PLCG2: variants seen among roughly 807,000 people sequenced by gnomAD.
PLCG2 encodes 1-phosphatidylinositol 4,5-bisphosphate phosphodiesterase gamma-2.
A neutral mutation model predicts 175.6 loss-of-function variants in PLCG2; 69 were observed. That is an observed-to-expected ratio of 0.39 (90% confidence interval 0.32 to 0.48). The LOEUF (loss-of-function observed/expected upper bound fraction) is 0.48. Among genes scored for constraint, PLCG2 ranks in the 20% least tolerant of loss-of-function variants. The pLI is 0.91. For synonymous variants in PLCG2, 827 were observed against 624.0 expected (o/e 1.33, Z -4.85); for missense variants, 1,798 against 1,650.9 (o/e 1.09, Z -1.54).
intron 25 of PLCG2, among the ~76,000 whole-genome samples, chr16:81,932,886 C>G (rs1404813047): frequency 1.3e-5 from 2 of 152,238 alleles, no homozygotes; most frequent in African/African-American, 4.8e-5. Context: ...GTCCTTCTGG[C>G]TTTCCCAGTG....
chr16:81,939,745 A>AT lies in PLCG2; in HGVS notation c.3314-145dup, dbSNP rs1364123036. The stretch of plus-strand genomic sequence containing the variant: ...AAGGTGGGGTGGGGGAGTGAAGATA[A>AT]TTATTCAGATTTTCTTAGATCTTGG... On this transcript the variant is annotated intron_variant, in intron 29 of 32. Coordinates refer to ENST00000564138, the MANE Select transcript of PLCG2 (RefSeq NM_002661.5). The AT allele has an allele frequency of 4.9e-5, 29 of 590,518 alleles. No individual in the cohort carries two copies. The East Asian group carries it at 6.5e-4, about 13-fold the overall frequency. The allele number at this position is 590,518 out of a possible 1,614,324, so 36.6% of individuals were successfully genotyped here.
At chr16:81,941,022 G>T (rs978173981) in intron 30 of PLCG2, among the ~76,000 whole-genome samples, 2 of 152,190 alleles carry the variant, frequency 1.3e-5, no homozygotes, top group Non-Finnish European at 2.9e-5. Flanking sequence ...CATTTTTCAA[G>T]AGAAAGATGA....
chr16:81,945,592 C>T (rs965654834), intron 30 of PLCG2, among the ~76,000 whole-genome samples: 3 of 152,162 alleles, frequency 2.0e-5, no homozygotes, highest in African/African-American at 2.4e-5. Context: ...GGGGGAGATT[C>T]GGCTCCAACT....
chr16:81,823,362 G>T (rs1488991833), intron 2 of PLCG2, among the ~76,000 whole-genome samples: 1 of 152,274 alleles, frequency 6.6e-6, no homozygotes, highest in African/African-American at 2.4e-5. Context: ...CAGAGGCCAG[G>T]CTTCCTGTCT....
rs139812594 is a variant in PLCG2 at position 81,851,632 on chromosome 16, C to T, written c.194-2812C>T. Among the ~76,000 whole-genome samples, 7 of 152,300 alleles carry T rather than the reference C, an allele frequency of 4.6e-5. No individual in the cohort carries two copies. The East Asian group carries it at 1.4e-3, about 29-fold the overall frequency. ...AGTTCAGGCGATTCTTCTGCCTCAT[C>T]CTCCCAAGTAGCTGGTACAACTGGC... is the stretch of plus-strand genomic sequence containing the variant. On this transcript the variant is annotated intron_variant, in intron 2 of 32. Transcript: ENST00000564138.
intron 5 of PLCG2, among the ~76,000 whole-genome samples, chr16:81,867,593 C>T (rs1907304959): frequency 6.6e-6 from 1 of 152,232 alleles, no homozygotes; most frequent in Non-Finnish European, 1.5e-5. Flanking sequence ...CCTAGAACAA[C>T]ACCTGTCACC....
chr16:81,835,206 GT>G (rs1905452546), intron 2 of PLCG2, among the ~76,000 whole-genome samples: 1 of 152,190 alleles, frequency 6.6e-6, no homozygotes, highest in Admixed American at 6.5e-5. Context: ...TGACTCCTCT[GT>G]CGTAGGGTGG....
intron 1 of PLCG2, among the ~76,000 whole-genome samples, chr16:81,746,142 A>G (rs1429164432): frequency 6.6e-6 from 1 of 152,182 alleles, no homozygotes; most frequent in East Asian, 1.9e-4. Flanking sequence ...GTCAGACAGG[A>G]CCAGCCCATG....
intron 14 of PLCG2, among the ~76,000 whole-genome samples, chr16:81,903,872 C>G (rs1484691238): frequency 2.0e-5 from 3 of 152,180 alleles, no homozygotes; most frequent in Non-Finnish European, 4.4e-5. Flanking sequence ...ACACCTGATA[C>G]GCTGTGGCCC....
chr16:81,873,195 G>A (rs1802278223), intron 7 of PLCG2, among the ~76,000 whole-genome samples: 2 of 152,178 alleles, frequency 1.3e-5, no homozygotes, highest in Non-Finnish European at 2.9e-5. Flanking sequence ...AATGTTGGGG[G>A]AAGCCATCTC....
Position 81,893,704 on chromosome 16 carries a change from TG to T in PLCG2, c.987-4del. The T allele has an allele frequency of 6.2e-7, 1 of 1,600,498 alleles. No homozygotes were observed. Among genetic ancestry groups the T allele is most frequent in the Non-Finnish European group, 8.6e-7 (1 of 1,169,064 alleles). ...TCACACGGCCACCTGCCTTCTCTCC[TG>T]CAGGTACCTTACAGGTGACCAGCTG... On this transcript the variant is annotated splice_region_variant and splice_polypyrimidine_tract_variant and intron_variant, in intron 11 of 32. Transcript: ENST00000564138.
At chr16:81,936,859 C>T (rs991394833) in intron 27 of PLCG2, among the ~76,000 whole-genome samples, 1 of 152,208 alleles carries the variant, frequency 6.6e-6, no homozygotes, top group Non-Finnish European at 1.5e-5. Flanking sequence ...ATCTATTCAT[C>T]AGTAGCCTCC....
At chr16:81,841,658 A>G (rs1236543579) in intron 2 of PLCG2, among the ~76,000 whole-genome samples, 1 of 152,158 alleles carries the variant, frequency 6.6e-6, no homozygotes, top group Non-Finnish European at 1.5e-5. Flanking sequence ...TTCTTCATAC[A>G]GCCAGGAGAG....
At chr16:81,788,914 G>C (rs1911103056) in intron 2 of PLCG2, among the ~76,000 whole-genome samples, 2 of 152,172 alleles carry the variant, frequency 1.3e-5, no homozygotes, top group South Asian at 4.1e-4. Flanking sequence ...GGGGTGAGAG[G>C]GTTGGCACTG....
At chr16:81,934,644 C>G (rs1910634034) in intron 26 of PLCG2, 113 bp downstream of exon 26, 4 of 708,740 alleles carry the variant, frequency 5.6e-6, no homozygotes, top group Non-Finnish European at 9.9e-6. Context: ...TTAACTACTC[C>G]CAGTAGATGG....
chr16:81,832,320 T>G (rs564378941), intron 2 of PLCG2, among the ~76,000 whole-genome samples: 34 of 152,330 alleles, frequency 2.2e-4, no homozygotes, highest in African/African-American at 8.2e-4. Context: ...AATCCTCAGA[T>G]TAAGCAAAAG....
At chr16:81,832,104 GA>G (rs143908658) in intron 2 of PLCG2, among the ~76,000 whole-genome samples, 55,503 of 151,176 alleles carry the variant, frequency 0.37, 10,957 homozygotes, top group East Asian at 0.61. Context: ...TTGATAAATG[GA>G]GGGGGGGAAT....
intron 4 of PLCG2, 114 bp downstream of exon 4, chr16:81,858,470 G>A (rs1401404199): frequency 1.3e-6 from 1 of 763,050 alleles, no homozygotes. Context: ...GGTTTTTTGA[G>A]GCTCGTTGAG....
intron 2 of PLCG2, among the ~76,000 whole-genome samples, chr16:81,789,727 A>G (rs1024356897): frequency 4.0e-5 from 6 of 151,894 alleles, no homozygotes; most frequent in African/African-American, 1.5e-4. Flanking sequence ...TCTGGTAACT[A>G]GGCAGGTTTC....
Sources: allele counts gnomAD v4.1 joint callset (sites outside exome capture counted in the v4.1 genomes callset), GRCh38; gene constraint gnomAD v4.1.1; transcripts MANE v1.5; gene names NCBI Gene and HGNC (gene_info 2026-07-23, HGNC 2026-07-21).